The following EYS variants were observed in gnomAD, a reference collection of about 807,000 sequenced individuals.
The protein encoded by EYS is EGF-like photoreceptor maintenance factor, also known as protein eyes shut homolog.
A neutral mutation model predicts 282.1 loss-of-function variants in EYS; 250 were observed. The observed-to-expected ratio is 0.89, with a 90% CI of 0.80 to 0.98. The LOEUF (loss-of-function observed/expected upper bound fraction) is 0.98. EYS is among the 50% of genes least tolerant of loss of function. The pLI is 0.00. For missense variants in EYS, 4,016 were observed against 3,709.0 expected (o/e 1.08, Z -2.15); for synonymous variants, 1,355 against 1,282.9 (o/e 1.06, Z -1.20).
intron 33 of EYS, among the ~76,000 whole-genome samples, chr6:64,024,347 G>A (rs528856423): frequency 6.6e-6 from 1 of 152,236 alleles, no homozygotes; most frequent in Non-Finnish European, 1.5e-5. Context: ...GAGAACATTT[G>A]TGTGGTGACA....
At chr6:64,032,801 C>G (rs1769917461) in intron 33 of EYS, among the ~76,000 whole-genome samples, 1 of 152,212 alleles carries the variant, frequency 6.6e-6, no homozygotes, top group Non-Finnish European at 1.5e-5. Flanking sequence ...TGAGGCTATA[C>G]AGAACTTTCA....
At chr6:63,818,157 C>T (rs1308438651) in intron 36 of EYS, among the ~76,000 whole-genome samples, 1 of 152,136 alleles carries the variant, frequency 6.6e-6, no homozygotes, top group African/African-American at 2.4e-5. Flanking sequence ...ACAGTATAGT[C>T]CTTTCATAAT....
At chr6:64,989,653 A>G (rs1770991931) in intron 14 of EYS, among the ~76,000 whole-genome samples, 1 of 144,562 alleles carries the variant, frequency 6.9e-6, no homozygotes, top group Admixed American at 7.0e-5. Context: ...AATTATAAAA[A>G]TTATATTATT....
At chr6:65,464,634 A>G (rs1355320945) in intron 5 of EYS, among the ~76,000 whole-genome samples, 3 of 152,066 alleles carry the variant, frequency 2.0e-5, no homozygotes, top group Non-Finnish European at 2.9e-5. Flanking sequence ...TCTCCTCTAA[A>G]CCATCTCCTC....
At chr6:65,229,943 A>C (rs1460967961) in intron 12 of EYS, among the ~76,000 whole-genome samples, 1 of 152,108 alleles carries the variant, frequency 6.6e-6, no homozygotes, top group East Asian at 1.9e-4. Flanking sequence ...TGACACATAC[A>C]TAAATAATCC....
intron 30 of EYS, among the ~76,000 whole-genome samples, chr6:64,239,840 C>T (rs535112516): frequency 1.1e-4 from 16 of 152,190 alleles, no homozygotes; most frequent in African/African-American, 3.6e-4. Context: ...ATGGCTATGT[C>T]CTGAATGGTA....
chr6:65,530,503 A>T (rs10484937), intron 2 of EYS, among the ~76,000 whole-genome samples: 19,176 of 152,242 alleles, frequency 0.13, 1,264 homozygotes, highest in South Asian at 0.19. Context: ...ATCTAGACTT[A>T]ACAGAAATGC....
intron 12 of EYS, among the ~76,000 whole-genome samples, chr6:65,129,193 G>A (rs1355064504): frequency 6.6e-6 from 1 of 151,922 alleles, no homozygotes; most frequent in Non-Finnish European, 1.5e-5. Context: ...AGACTTAAAT[G>A]TAAGACCTCA....
intron 12 of EYS, among the ~76,000 whole-genome samples, chr6:65,083,102 A>G (rs1216097664): frequency 2.0e-5 from 3 of 151,936 alleles, no homozygotes; most frequent in Admixed American, 2.0e-4. Flanking sequence ...CCCTCCTGAG[A>G]AAAAAACAAA....
chr6:64,590,156 C>T, intron 26 of EYS, 67 bp downstream of exon 26: 1 of 1,355,048 alleles, frequency 7.4e-7, no homozygotes, highest in Non-Finnish European at 9.9e-7. Context: ...CCATGACAGG[C>T]TCTTTCTTCT....
chr6:65,202,721 C>T (rs1329796536), intron 12 of EYS, among the ~76,000 whole-genome samples: 3 of 152,136 alleles, frequency 2.0e-5, no homozygotes, highest in Admixed American at 6.5e-5. Context: ...ATCTCACCAT[C>T]GAGATGCCTA....
chr6:63,737,804 CA>C (rs1768960821), intron 41 of EYS, among the ~76,000 whole-genome samples: 1 of 151,976 alleles, frequency 6.6e-6, no homozygotes, highest in South Asian at 2.1e-4. Flanking sequence ...AGGCAACCTA[CA>C]AAATGGGAGA....
At chr6:64,027,339 A>G (rs1216288105) in intron 33 of EYS, among the ~76,000 whole-genome samples, 1 of 152,170 alleles carries the variant, frequency 6.6e-6, no homozygotes. Flanking sequence ...CCTTAAGAAA[A>G]TATACTCCCC....
intron 12 of EYS, among the ~76,000 whole-genome samples, chr6:65,225,919 C>A (rs1426515031): frequency 6.6e-6 from 1 of 151,756 alleles, no homozygotes; most frequent in African/African-American, 2.4e-5. Flanking sequence ...TGTGAAAACC[C>A]ACAAATATAT....
intron 12 of EYS, among the ~76,000 whole-genome samples, chr6:65,060,178 A>G (rs991088461): frequency 6.6e-6 from 1 of 151,972 alleles, no homozygotes; most frequent in Admixed American, 6.6e-5. Context: ...GAGGATAAAG[A>G]ATTTATGATC....
intron 12 of EYS, among the ~76,000 whole-genome samples, chr6:65,190,544 TAA>T (rs1172321402): frequency 6.6e-6 from 1 of 151,586 alleles, no homozygotes; most frequent in Non-Finnish European, 1.5e-5. Context: ...ATTTGCTATC[TAA>T]AAGTGTATAC....
intron 12 of EYS, among the ~76,000 whole-genome samples, chr6:65,194,570 C>T (rs780651029): frequency 9.9e-5 from 15 of 151,980 alleles, no homozygotes; most frequent in Admixed American, 4.6e-4. Context: ...CTTTGCACAA[C>T]AGCAAAGTTG....
At chr6:65,587,641 T>C (rs1314401389) in intron 2 of EYS, among the ~76,000 whole-genome samples, 1 of 152,072 alleles carries the variant, frequency 6.6e-6, no homozygotes, top group Non-Finnish European at 1.5e-5. Context: ...ATTGGCAGTG[T>C]GAGAATGGAC....
At chr6:65,630,825 A>T (rs1026677520) in intron 2 of EYS, among the ~76,000 whole-genome samples, 2 of 152,220 alleles carry the variant, frequency 1.3e-5, no homozygotes, top group African/African-American at 4.8e-5. Context: ...TTTGTATAAA[A>T]ATTATTGAGA....
Sources: gnomAD v4.1 joint callset for allele counts (sites outside exome capture counted in the v4.1 genomes callset) on GRCh38, gnomAD v4.1.1 for gene constraint, MANE v1.5 for transcripts, NCBI Gene and HGNC (gene_info 2026-07-23, HGNC 2026-07-21) for gene names.